ATP10B: variants seen among roughly 807,000 people sequenced by gnomAD.
ATP10B encodes the protein phospholipid-transporting ATPase VB.
In ATP10B, 122 loss-of-function variants were observed where a neutral mutation model predicts 141.2. The observed-to-expected ratio is 0.86, with a 90% confidence interval of 0.75 to 1.00. The LOEUF (loss-of-function observed/expected upper bound fraction) is 1.00, where lower values mean the gene tolerates loss of function less well. Ranked by LOEUF, ATP10B falls within the 50% of genes least tolerant of loss-of-function variation. The probability of loss-of-function intolerance (pLI) is 0.00; values close to 1 mark genes in which losing one functional copy is unlikely to be tolerated. For missense variants in ATP10B, 1,876 were observed against 1,825.3 expected, an observed-to-expected ratio of 1.03 and a Z score of -0.51; for synonymous variants, 685 against 692.0, an observed-to-expected ratio of 0.99 and a Z score of 0.16.
At chr5:160,704,914 CTTTTTTTT>C (rs1170629163) in intron 3 of ATP10B, among the ~76,000 whole-genome samples, 31 of 83,646 alleles carry the variant, frequency 3.7e-4, no homozygotes, top group East Asian at 1.9e-3. Flanking sequence ...TTTCTTTCAT[CTTTTTTTT>C]TTTTTTTTTT....
chr5:160,683,845 T>C (rs1317922905), intron 6 of ATP10B, among the ~76,000 whole-genome samples: 5 of 152,224 alleles, frequency 3.3e-5, no homozygotes, highest in Non-Finnish European at 7.3e-5. Flanking sequence ...CTATGTGGGT[T>C]ATCACAAAGT....
At chr5:160,736,956 A>G (rs1767164846) in intron 2 of ATP10B, among the ~76,000 whole-genome samples, 1 of 152,238 alleles carries the variant, frequency 6.6e-6, no homozygotes, top group African/African-American at 2.4e-5. Flanking sequence ...ACATATCGAA[A>G]GAAGAAACTA....
chr5:160,821,415 A>G (rs777701994), intron 1 of ATP10B, among the ~76,000 whole-genome samples: 4 of 152,110 alleles, frequency 2.6e-5, no homozygotes, highest in Non-Finnish European at 4.4e-5. Context: ...GGAAGAATCA[A>G]TACTGTTAAA....
At chr5:160,850,776 T>C (rs1753756790) in intron 1 of ATP10B, among the ~76,000 whole-genome samples, 1 of 152,196 alleles carries the variant, frequency 6.6e-6, no homozygotes, top group African/African-American at 2.4e-5. Flanking sequence ...TGCTATACTC[T>C]TTAAAAAATA....
chr5:160,808,841 A>G (rs1346324123), intron 1 of ATP10B, among the ~76,000 whole-genome samples: 2 of 152,166 alleles, frequency 1.3e-5, no homozygotes, highest in African/African-American at 4.8e-5. Flanking sequence ...GAATACATCT[A>G]TTGTCTCAGT....
the ATP10B span, among the ~76,000 whole-genome samples, chr5:160,879,278 T>A: frequency 1.6e-5 from 1 of 62,206 alleles, no homozygotes; most frequent in Non-Finnish European, 3.2e-5. Context: ...CAGTAAACTA[T>A]CGCAAGAACA....
the ATP10B span, among the ~76,000 whole-genome samples, chr5:160,921,537 C>A: frequency 6.6e-6 from 1 of 152,198 alleles, no homozygotes; most frequent in African/African-American, 2.4e-5. Flanking sequence ...TTTTACAGGT[C>A]TCAGAACCAG....
chr5:160,859,095 A>G, the ATP10B span, among the ~76,000 whole-genome samples: 1 of 151,860 alleles, frequency 6.6e-6, no homozygotes, highest in African/African-American at 2.4e-5. Flanking sequence ...TTCTTTTAAG[A>G]TAAGTCTGCT....
intron 3 of ATP10B, among the ~76,000 whole-genome samples, chr5:160,703,048 G>C (rs1354724423): frequency 6.6e-6 from 1 of 152,172 alleles, no homozygotes; most frequent in Non-Finnish European, 1.5e-5. Context: ...ATCTGCAGAA[G>C]CAAATTTGTT....
chr5:160,635,596 G>A (rs1378875643), intron 11 of ATP10B, among the ~76,000 whole-genome samples: 4 of 152,196 alleles, frequency 2.6e-5, no homozygotes, highest in Non-Finnish European at 5.9e-5. Flanking sequence ...GGTAGATGGA[G>A]CTCCACAAAA....
At chr5:160,751,864 A>AT (rs1768176238) in intron 2 of ATP10B, among the ~76,000 whole-genome samples, 1 of 152,140 alleles carries the variant, frequency 6.6e-6, no homozygotes, top group Non-Finnish European at 1.5e-5. Flanking sequence ...TATATTTCAC[A>AT]TTTTTGTCCT....
At chr5:160,570,602 T>C (rs1469323765) in intron 24 of ATP10B, among the ~76,000 whole-genome samples, 1 of 152,212 alleles carries the variant, frequency 6.6e-6, no homozygotes, top group East Asian at 1.9e-4. Context: ...CTGGCTAATA[T>C]GTTTTGCTGC....
At chr5:160,591,211 G>C in intron 22 of ATP10B, 72 bp from the exon 23 acceptor site, 1 of 1,292,760 alleles carries the variant, frequency 7.7e-7, no homozygotes, top group Non-Finnish European at 1.1e-6. Flanking sequence ...CAACTTTCTT[G>C]CATGTGGCTG....
intron 1 of ATP10B, among the ~76,000 whole-genome samples, chr5:160,842,822 AC>A (rs1288101318): frequency 2.0e-5 from 3 of 152,032 alleles, no homozygotes; most frequent in African/African-American, 7.2e-5. Context: ...ACACACACAC[AC>A]ACAAAAATCA....
At chr5:160,603,105 A>C (rs1191248388) in intron 20 of ATP10B, 1 of 173,194 alleles carries the variant, frequency 5.8e-6, no homozygotes, top group Non-Finnish European at 1.3e-5. Flanking sequence ...GGCTCCATTC[A>C]CAGATGGAGC....
intron 7 of ATP10B, among the ~76,000 whole-genome samples, chr5:160,663,211 C>A (rs1313352354): frequency 6.6e-6 from 1 of 152,150 alleles, no homozygotes; most frequent in East Asian, 1.9e-4. Context: ...CTAGTTCAAC[C>A]ATTGTGGAAG....
intron 13 of ATP10B, among the ~76,000 whole-genome samples, chr5:160,625,543 T>C (rs968066637): frequency 6.6e-6 from 1 of 152,118 alleles, no homozygotes; most frequent in African/African-American, 2.4e-5. Flanking sequence ...CAAAATTGAG[T>C]GTCAGAAGGA....
intron 3 of ATP10B, among the ~76,000 whole-genome samples, chr5:160,694,963 T>C (rs1764278783): frequency 6.6e-6 from 1 of 152,218 alleles, no homozygotes; most frequent in Admixed American, 6.5e-5. Flanking sequence ...TTTCATAAAA[T>C]ATAATCAGCG....
chr5:160,782,438 TACACACACAC>T (rs57112303), intron 2 of ATP10B, among the ~76,000 whole-genome samples: 2,872 of 141,156 alleles, frequency 0.02, 49 homozygotes, highest in Non-Finnish European at 0.029. Flanking sequence ...TCTTCCTCCA[TACACACACAC>T]ACACACACAC....
Sources: gnomAD v4.1 joint callset for allele counts (sites outside exome capture counted in the v4.1 genomes callset) on GRCh38, gnomAD v4.1.1 for gene constraint, MANE v1.5 for transcripts, NCBI Gene and HGNC (gene_info 2026-07-23, HGNC 2026-07-21) for gene names.